The following DCC variants were observed in gnomAD, a reference collection of about 807,000 sequenced individuals.
DCC encodes the protein DCC netrin 1 receptor.
Under a neutral mutation model 172.5 loss-of-function variants are expected in DCC, and 58 were observed. That is an observed-to-expected ratio of 0.34 (90% confidence interval 0.27 to 0.42). DCC has a LOEUF of 0.42. Among genes scored for constraint, DCC ranks in the 10% least tolerant of loss-of-function variants. DCC has a pLI of 1.00. For missense variants in DCC, 1,740 were observed against 1,791.0 expected, an observed-to-expected ratio of 0.97 and a Z score of 0.51; for synonymous variants, 709 against 644.5, an observed-to-expected ratio of 1.10 and a Z score of -1.52.
intron 5 of DCC, among the ~76,000 whole-genome samples, chr18:52,987,101 C>G (rs746559396): frequency 6.6e-6 from 1 of 152,068 alleles, no homozygotes; most frequent in African/African-American, 2.4e-5. Context: ...GGATTACAGG[C>G]GTGAGACTCC....
At chr18:52,708,063 AT>A (rs1247437484) in intron 1 of DCC, among the ~76,000 whole-genome samples, 1 of 152,232 alleles carries the variant, frequency 6.6e-6, no homozygotes, top group African/African-American at 2.4e-5. Flanking sequence ...TGATGTAGCC[AT>A]TCCATTATGT....
intron 22 of DCC, among the ~76,000 whole-genome samples, chr18:53,449,664 G>A (rs1599163538): frequency 1.3e-5 from 2 of 152,088 alleles, no homozygotes; most frequent in East Asian, 3.9e-4. Flanking sequence ...TGTCACTCAG[G>A]AATTCTTATG....
intron 1 of DCC, among the ~76,000 whole-genome samples, chr18:52,642,430 T>A (rs563412072): frequency 6.6e-6 from 1 of 152,012 alleles, no homozygotes; most frequent in Non-Finnish European, 1.5e-5. Flanking sequence ...AAGAACTTAC[T>A]CATGTAACCA....
rs1198023606 is a variant in DCC, at chr18:53,391,791, G to C, written c.2592G>C (p.Trp864Cys). The change falls in exon 17 of 29, where the codon TGG (tryptophan) becomes TGC (cysteine). Residue 864 changes from tryptophan (W) to cysteine (C), a missense_variant. Around this residue, in one of 2 missense-constraint regions of DCC, gnomAD observed 1,732 missense variants for 1,767.4 expected, o/e 0.98. Transcript: ENST00000442544. ...ALTHDAVRVS[W>C]ADNSVPKNQK... ...CCCATGATGCTGTGAGGGTCAGCTG[G>C]GCAGACAACTCTGTCCCTAAGAACC... The C allele has an allele frequency of 6.2e-7, 1 of 1,613,960 alleles. No homozygotes were observed. Among genetic ancestry groups the C allele is most frequent in the Admixed American group, 1.7e-5 (1 of 60,012 alleles).
At chr18:53,063,509 AT>A (rs746276795) in intron 6 of DCC, 50 bp downstream of exon 6, 8 of 1,388,948 alleles carry the variant, frequency 5.8e-6, no homozygotes, top group East Asian at 2.4e-5. Context: ...ATTGTTTTCT[AT>A]TTTTTTCACT....
intron 2 of DCC, among the ~76,000 whole-genome samples, chr18:52,835,295 A>G (rs963326414): frequency 4.6e-5 from 7 of 152,186 alleles, no homozygotes; most frequent in African/African-American, 7.2e-5. Context: ...GAATAATTCA[A>G]TTTTAAAACA....
intron 3 of DCC, among the ~76,000 whole-genome samples, chr18:52,921,975 A>G (rs1322744951): frequency 2.0e-5 from 3 of 152,020 alleles, no homozygotes; most frequent in Non-Finnish European, 4.4e-5. Flanking sequence ...TTGTAAATAT[A>G]TATTTTGGGA....
intron 1 of DCC, among the ~76,000 whole-genome samples, chr18:52,511,249 C>A (rs1233227110): frequency 7.1e-6 from 1 of 140,704 alleles, no homozygotes; most frequent in Non-Finnish European, 1.5e-5. Context: ...CCACTGCACT[C>A]CAGCCTGGGC....
chr18:52,800,046 G>C (rs1468916351), intron 2 of DCC, among the ~76,000 whole-genome samples: 1 of 152,120 alleles, frequency 6.6e-6, no homozygotes, highest in African/African-American at 2.4e-5. Context: ...TGCTGAACTA[G>C]TTTAAATAAT....
chr18:52,696,696 A>G (rs913942073), intron 1 of DCC, among the ~76,000 whole-genome samples: 1 of 152,188 alleles, frequency 6.6e-6, no homozygotes, highest in Non-Finnish European at 1.5e-5. Flanking sequence ...TAATTAGCCC[A>G]AAATTCATGA....
chr18:52,729,590 G>A (rs1319740191), intron 1 of DCC, among the ~76,000 whole-genome samples: 2 of 152,164 alleles, frequency 1.3e-5, no homozygotes, highest in African/African-American at 2.4e-5. Flanking sequence ...CACAAAAACA[G>A]GAACTATCTC....
chr18:52,826,570 T>C (rs567135721), intron 2 of DCC, among the ~76,000 whole-genome samples: 1 of 152,246 alleles, frequency 6.6e-6, no homozygotes, highest in East Asian at 1.9e-4. Context: ...AACTTCGGTC[T>C]CCCAGCCTCA....
intron 1 of DCC, among the ~76,000 whole-genome samples, chr18:52,728,142 C>T (rs968931568): frequency 3.3e-5 from 5 of 151,712 alleles, no homozygotes; most frequent in Non-Finnish European, 5.9e-5. Flanking sequence ...GAGGGAATTG[C>T]CTTTCCTATT....
rs981707162 is a variant in DCC, at chr18:52,933,244, A to G, written c.985+7874A>G. Among the ~76,000 whole-genome samples the G allele has an allele frequency of 2.6e-5, 4 of 152,238 alleles. No homozygotes were observed. The East Asian group carries it at 7.7e-4, about 29-fold the overall frequency. The stretch of plus-strand genomic sequence containing the variant: ...CCTCTTGTGTACTAAGCATTCCGCC[A>G]AGTAGTCTTTGGGCATAAGAAGATA... On this transcript the variant is annotated intron_variant, in intron 5 of 28. Transcript: ENST00000442544.
At chr18:52,917,137 C>CAAAAAAAAAAAAAAAAAGAAAAAA (rs146388621) in intron 3 of DCC, among the ~76,000 whole-genome samples, 10 of 94,722 alleles carry the variant, frequency 1.1e-4, no homozygotes, top group African/African-American at 2.6e-4. Context: ...AAAAAGAAAA[C>CAAAAAAAAAAAAAAAAAGAAAAAA]AAAAAAAAAA....
At chr18:53,318,996 C>A (rs891650989) in intron 13 of DCC, among the ~76,000 whole-genome samples, 9 of 152,166 alleles carry the variant, frequency 5.9e-5, no homozygotes, top group Non-Finnish European at 1.2e-4. Flanking sequence ...CCCAGAATTT[C>A]ATATCCAGCC....
At chr18:52,706,854 G>A (rs920545615) in intron 1 of DCC, among the ~76,000 whole-genome samples, 19 of 152,174 alleles carry the variant, frequency 1.2e-4, no homozygotes, top group Non-Finnish European at 5.9e-5. Context: ...AGAGCAAGGT[G>A]TCCTGAGCCC....
At chr18:52,615,354 T>G (rs1470730161) in intron 1 of DCC, among the ~76,000 whole-genome samples, 1 of 152,184 alleles carries the variant, frequency 6.6e-6, no homozygotes. Context: ...TAGATTTACT[T>G]GTATTAATAA....
intron 12 of DCC, among the ~76,000 whole-genome samples, chr18:53,242,871 GGT>G (rs3059140): frequency 0.41 from 61,372 of 148,150 alleles, 12,932 homozygotes; most frequent in Non-Finnish European, 0.49. Context: ...ATGACAAGTA[GGT>G]GTGTGTGTGT....
Sources: gnomAD v4.1 joint callset for allele counts (sites outside exome capture counted in the v4.1 genomes callset) on GRCh38, gnomAD v4.1.1 for gene constraint, gnomAD v4.1.1 regional missense constraint, MANE v1.5 for transcripts, NCBI Gene and HGNC (gene_info 2026-07-23, HGNC 2026-07-21) for gene names.